CAP2: variants seen among roughly 807,000 people sequenced by gnomAD.
CAP2 encodes the protein adenylyl cyclase-associated protein 2.
A neutral mutation model predicts 57.7 loss-of-function variants in CAP2; 24 were observed. The observed-to-expected ratio is 0.42, with a 90% CI of 0.30 to 0.58. The LOEUF (loss-of-function observed/expected upper bound fraction) is 0.58. Ranked by LOEUF, CAP2 falls within the 20% of genes least tolerant of loss-of-function variation. The pLI is 0.22. For synonymous variants in CAP2, 194 were observed against 207.2 expected (o/e 0.94, Z 0.55); for missense variants, 501 against 590.3 (o/e 0.85, Z 1.57).
At chr6:17,526,838 T>C (rs1353960637) in intron 7 of CAP2, among the ~76,000 whole-genome samples, 1 of 149,602 alleles carries the variant, frequency 6.7e-6, no homozygotes, top group Non-Finnish European at 1.5e-5. Flanking sequence ...ATGCCTATAG[T>C]CCCAGCTACC....
chr6:17,530,563 T>G (rs1367914795), intron 7 of CAP2, among the ~76,000 whole-genome samples: 1 of 152,110 alleles, frequency 6.6e-6, no homozygotes. Flanking sequence ...GAAGGACAGT[T>G]CGAGGAGGGG....
chr6:17,416,310 C>CT lies in CAP2; in HGVS notation c.-1-5244dup, dbSNP rs368381343. Among the ~76,000 whole-genome samples, 73 of 152,188 alleles carry CT rather than the reference C, an allele frequency of 4.8e-4. 1 individual carries two copies. The highest frequency in any genetic ancestry group is 1.7e-3 in the African/African-American group (72 of 41,556). ...TGACTGCTTGACATTTCAAATATAA[C>CT]TATTCCCACTGACAGCAAAATGAGA... On this transcript the variant is annotated intron_variant, in intron 1 of 12. Coordinates refer to ENST00000229922, the MANE Select transcript of CAP2 (RefSeq NM_006366.3).
rs1375268356 is a variant in CAP2 at position 17,438,729 on chromosome 6, G to A, written c.222+12039G>A. Among the ~76,000 whole-genome samples the A allele has an allele frequency of 4.2e-4, 62 of 146,818 alleles. 2 individuals are homozygous for A. The highest frequency in any genetic ancestry group is 1.2e-3 in the African/African-American group (48 of 39,010). ...GCTGGGATTATAGGTGTGAGCCACC[G>A]CACCCGGCCCAGAAGTTTTTTTATG... On this transcript the variant is annotated intron_variant, in intron 3 of 12. Transcript: ENST00000229922.
intron 11 of CAP2, among the ~76,000 whole-genome samples, chr6:17,546,793 C>G (rs976773002): frequency 6.6e-6 from 1 of 152,192 alleles, no homozygotes; most frequent in Admixed American, 6.6e-5. Context: ...CCCTTTCTCA[C>G]TACTCCTATT....
At chr6:17,444,658 A>AAT (rs1760199294) in intron 3 of CAP2, among the ~76,000 whole-genome samples, 2 of 150,036 alleles carry the variant, frequency 1.3e-5, no homozygotes, top group Non-Finnish European at 3.0e-5. Flanking sequence ...AAAAAAAAAA[A>AAT]GTCATCATGG....
At position 17,514,135 on chromosome 6, in the gene CAP2, G is replaced by A. The variant is rs140636049; in HGVS notation, c.636+181G>A. On this transcript the variant is annotated intron_variant, in intron 7 of 12. Coordinates refer to ENST00000229922, the MANE Select transcript of CAP2 (RefSeq NM_006366.3). Reference sequence around the variant, plus strand: ...TCCCAGCACTTTGGGAGGCTGAGCTGGGCAGATCATTGAGGTCAGGAGTTC... The same window carrying A: ...TCCCAGCACTTTGGGAGGCTGAGCTAGGCAGATCATTGAGGTCAGGAGTTC... 2.5e-3 allele frequency among the ~76,000 whole-genome samples: 373 copies of A among 152,188 alleles called. 5 individuals are homozygous for A. In the East Asian group the frequency reaches 0.027, roughly 11 times the overall value.
At chr6:17,496,422 C>T (rs1392929087) in intron 4 of CAP2, among the ~76,000 whole-genome samples, 3 of 152,166 alleles carry the variant, frequency 2.0e-5, no homozygotes, top group Admixed American at 6.5e-5. Context: ...GGAAGCACGG[C>T]TCATGTTGAG....
intron 3 of CAP2, among the ~76,000 whole-genome samples, chr6:17,458,873 C>T (rs2113590565): frequency 6.8e-6 from 1 of 146,714 alleles, no homozygotes; most frequent in East Asian, 1.9e-4. Context: ...ATTTTTCCCT[C>T]CCCACAAAGG....
intron 1 of CAP2, among the ~76,000 whole-genome samples, chr6:17,418,788 C>T (rs1420631786): frequency 2.0e-5 from 3 of 152,150 alleles, no homozygotes. Flanking sequence ...GGGCTTTCAT[C>T]ATTTCTCAAA....
chr6:17,552,611 G>A (rs1763198045), intron 12 of CAP2, among the ~76,000 whole-genome samples: 1 of 152,168 alleles, frequency 6.6e-6, no homozygotes, highest in African/African-American at 2.4e-5. Context: ...CAGCCGGGGC[G>A]ACAGAGTGAG....
chr6:17,444,567 G>A (rs1187193560), intron 3 of CAP2, among the ~76,000 whole-genome samples: 1 of 146,572 alleles, frequency 6.8e-6, no homozygotes, highest in Admixed American at 7.0e-5. Flanking sequence ...CTTGATTCCG[G>A]AAGGCAGAGG....
intron 4 of CAP2, among the ~76,000 whole-genome samples, chr6:17,490,065 A>C (rs920265528): frequency 1.3e-4 from 20 of 152,150 alleles, no homozygotes; most frequent in African/African-American, 4.8e-4. Context: ...AACATTTTTA[A>C]TCATCTGAGC....
chr6:17,450,198 CCCA>C (rs918156177), intron 3 of CAP2, among the ~76,000 whole-genome samples: 55 of 152,062 alleles, frequency 3.6e-4, no homozygotes, highest in African/African-American at 1.3e-3. Context: ...ACTACAGGCG[CCCA>C]CCACCACAGC....
chr6:17,523,854 T>C (rs1217220957), intron 7 of CAP2, among the ~76,000 whole-genome samples: 1 of 152,112 alleles, frequency 6.6e-6, no homozygotes, highest in Non-Finnish European at 1.5e-5. Context: ...GGCGGTTGGA[T>C]CACAAGGTCA....
At chr6:17,531,283 TG>T in intron 7 of CAP2, 1 of 868,962 alleles carries the variant, frequency 1.2e-6, no homozygotes. Context: ...ACAAAGGTTC[TG>T]TTGAAGATTT....
At chr6:17,440,607 T>TG in intron 3 of CAP2, among the ~76,000 whole-genome samples, 1 of 127,606 alleles carries the variant, frequency 7.8e-6, no homozygotes, top group Non-Finnish European at 1.5e-5. Flanking sequence ...GAAAACAAAC[T>TG]GTGTGTGGTG....
chr6:17,513,909 A>G lies in CAP2; in HGVS notation c.591A>G (p.Ala197=). ...SYLNIWSELQ[A]YIKEHHTTGL... The stretch of plus-strand genomic sequence containing the variant: ...TGAACATTTGGAGTGAACTTCAAGC[A>G]TACATCAAGGAACACCACACCACGG... Residue 197 remains alanine (A), a synonymous_variant, in exon 7 of 13, where the codon GCA becomes GCG. Coordinates refer to ENST00000229922, the MANE Select transcript of CAP2 (RefSeq NM_006366.3). The surrounding 1 kb of genome is among the most constrained non-coding windows in gnomAD (Gnocchi z 4.3). 1 of 1,613,934 alleles carries G rather than the reference A, an allele frequency of 6.2e-7. No individual in the cohort carries two copies. The highest frequency in any genetic ancestry group is 8.5e-7 in the Non-Finnish European group (1 of 1,179,784).
chr6:17,393,803 G>T, intron 1 of CAP2, 57 bp downstream of exon 1: 1 of 152,972 alleles, frequency 6.5e-6, no homozygotes, highest in South Asian at 1.8e-4. Flanking sequence ...GTGCAGGTGC[G>T]GGGGGCGCCT....
At chr6:17,469,595 G>GGA (rs571961064) in intron 4 of CAP2, among the ~76,000 whole-genome samples, 6 of 151,976 alleles carry the variant, frequency 3.9e-5, no homozygotes, top group Admixed American at 6.6e-5. Flanking sequence ...TCCATAAGGG[G>GGA]GAGAGAGAGA....
Sources: allele counts gnomAD v4.1 joint callset (sites outside exome capture counted in the v4.1 genomes callset), GRCh38; gene constraint gnomAD v4.1.1; non-coding constraint Gnocchi (gnomAD v3.1); transcripts MANE v1.5; gene names NCBI Gene and HGNC (gene_info 2026-07-23, HGNC 2026-07-21).